The following UBXN2B variants were observed in gnomAD, a reference collection of about 807,000 sequenced individuals.
UBXN2B encodes the protein UBX domain-containing protein 2B.
In UBXN2B, 19 loss-of-function variants were observed where a neutral mutation model predicts 37.5. The observed-to-expected ratio is 0.51, with a 90% CI of 0.35 to 0.74. The LOEUF (loss-of-function observed/expected upper bound fraction) is 0.74. Ranked by LOEUF, UBXN2B falls within the 30% of genes least tolerant of loss-of-function variation. The pLI, the probability that UBXN2B is intolerant of heterozygous loss-of-function variation, is 0.01. For missense variants in UBXN2B, 370 were observed against 393.2 expected (o/e 0.94, Z 0.50); for synonymous variants, 145 against 143.8 (o/e 1.01, Z -0.06).
chr8:58,446,028 G>T lies in UBXN2B; in HGVS notation c.793G>T (p.Asp265Tyr), dbSNP rs1205757986. Residue 265 changes from aspartate (D) to tyrosine (Y), a missense_variant, in exon 7 of 8, where the codon GAT becomes TAT. Coordinates refer to ENST00000399598, the MANE Select transcript of UBXN2B (RefSeq NM_001077619.2). ...AACAAAAATTCAAATCAGGTTAGCAGATGGGAGTCGTTTGATACAAAGATT... is the reference window on the plus strand; with the variant it reads ...AACAAAAATTCAAATCAGGTTAGCATATGGGAGTCGTTTGATACAAAGATT... ...PTTKIQIRLA[D>Y]GSRLIQRFNS... 1.2e-6 allele frequency: 2 copies of T among 1,612,844 alleles called. No homozygotes were observed. Among genetic ancestry groups the T allele is most frequent in the South Asian group, 1.1e-5 (1 of 90,944 alleles).
chr8:58,411,824 A>G (rs1015949862), intron 1 of UBXN2B, among the ~76,000 whole-genome samples: 11 of 152,236 alleles, frequency 7.2e-5, no homozygotes, highest in African/African-American at 2.4e-4. Context: ...GCAGGGAAGT[A>G]GACAGTCACC....
intron 5 of UBXN2B, chr8:58,435,210 A>G: frequency 8.8e-7 from 1 of 1,139,894 alleles, no homozygotes. Context: ...TTTACTGTAT[A>G]TAACCAGAGT....
In UBXN2B at chr8:58,448,607, T is replaced by G. The variant is rs922964420; in HGVS notation, c.*1056T>G. On this transcript the variant is annotated 3_prime_UTR_variant, in exon 8 of 8. Transcript: ENST00000399598. ...CAACACATTTTTCTAGGAAACTCAC[T>G]GTATACACTAAACACTATTCTGTGT... 1.6e-4 allele frequency: 24 copies of G among 152,524 alleles called. No individual in the cohort carries two copies. Among genetic ancestry groups the G allele is most frequent in the African/African-American group, 5.5e-4 (23 of 41,442 alleles). The allele number at this position is 152,524 out of a possible 1,614,324, so 9.4% of individuals were successfully genotyped here.
chr8:58,424,318 A>C (rs1196581588), intron 2 of UBXN2B, among the ~76,000 whole-genome samples: 2 of 152,308 alleles, frequency 1.3e-5, no homozygotes, highest in Admixed American at 1.3e-4. Context: ...TCAATTTAAA[A>C]CAAAATTCTA....
rs1808658772 is a variant in UBXN2B at position 58,446,060 on chromosome 8, T to C, written c.825T>C (p.Ser275=). The change falls in exon 7 of 8, where the codon AGT becomes AGC. Residue 275 remains serine, a synonymous_variant. Transcript: ENST00000399598. ...GTCGTTTGATACAAAGATTCAATAG[T>C]ACACACAGGTAAGCTTCTTTACCAA... ...DGSRLIQRFN[S]THRILDVRNF... 6.2e-7 allele frequency: 1 copy of C among 1,608,876 alleles called. No individual in the cohort carries two copies. The highest frequency in any genetic ancestry group is 1.3e-5 in the African/African-American group (1 of 74,782).
At position 58,450,494 on chromosome 8, in the gene UBXN2B, G is replaced by C. The variant is rs1808778354; in HGVS notation, c.*2943G>C. On this transcript the variant is annotated 3_prime_UTR_variant, in exon 8 of 8. Transcript: ENST00000399598. ...CCAACAGTCTATTCATGATGATTTA[G>C]ATATTCTATGGCAATCGAGGTATTC... The C allele has an allele frequency of 6.6e-6, 1 of 152,170 alleles. No homozygotes were observed. Among genetic ancestry groups the C allele is most frequent in the Non-Finnish European group, 1.5e-5 (1 of 68,042 alleles). The allele number at this position is 152,170 out of a possible 1,614,324, so 9.4% of individuals were successfully genotyped here. A position where few individuals can be genotyped will look rare whatever the true frequency, so the allele number is the denominator to read the frequency against.
chr8:58,424,745 T>TA, intron 2 of UBXN2B: 1 of 1,416,254 alleles, frequency 7.1e-7, no homozygotes. Context: ...TTAATATTTG[T>TA]ATATTCATGA....
chr8:58,437,673 A>G (rs961486856), intron 5 of UBXN2B, among the ~76,000 whole-genome samples: 3 of 152,176 alleles, frequency 2.0e-5, no homozygotes, highest in Non-Finnish European at 4.4e-5. Flanking sequence ...CTTTGTGGCA[A>G]CTTCTAACAA....
At chr8:58,441,355 A>G (rs1267895708) in intron 6 of UBXN2B, among the ~76,000 whole-genome samples, 1 of 145,828 alleles carries the variant, frequency 6.9e-6, no homozygotes, top group Admixed American at 6.8e-5. Flanking sequence ...CAACATATAT[A>G]TATATATATA....
At position 58,425,301 on chromosome 8, in the gene UBXN2B, C is replaced by T. The variant is rs534456074; in HGVS notation, c.189-5218C>T. On this transcript the variant is annotated intron_variant, in intron 2 of 7. Coordinates refer to ENST00000399598, the MANE Select transcript of UBXN2B (RefSeq NM_001077619.2). ...TACTCTATCCTCTCTCCACTTCTTT[C>T]GTTGTCATGACAATCACTCAGGAGT... 6.0e-6 allele frequency: 7 copies of T among 1,158,764 alleles called. No homozygotes were observed. In the Admixed American group the frequency reaches 6.8e-5, roughly 11 times the overall value. The allele number at this position is 1,158,764 out of a possible 1,614,324, so 71.8% of individuals were successfully genotyped here. A position where few individuals can be genotyped will look rare whatever the true frequency, so the allele number is the denominator to read the frequency against.
chr8:58,417,308 A>T (rs1807810336), intron 2 of UBXN2B, among the ~76,000 whole-genome samples: 1 of 152,170 alleles, frequency 6.6e-6, no homozygotes, highest in African/African-American at 2.4e-5. Flanking sequence ...GATGAAAGCT[A>T]TAGAATTCTC....
In UBXN2B at chr8:58,438,244, G is replaced by A. The variant is rs571923725; in HGVS notation, c.534-1389G>A. Among the ~76,000 whole-genome samples the A allele has an allele frequency of 5.8e-4, 89 of 152,340 alleles. 1 individual carries two copies. Among genetic ancestry groups the A allele is most frequent in the African/African-American group, 1.9e-3 (78 of 41,588 alleles). On this transcript the variant is annotated intron_variant, in intron 5 of 7. Coordinates refer to ENST00000399598, the MANE Select transcript of UBXN2B (RefSeq NM_001077619.2). ...TGGGAGGCTGCACCTAGATTTTAGA[G>A]GGCCACGCCAAAGGGAAATGTGAGG... is the stretch of plus-strand genomic sequence containing the variant.
intron 6 of UBXN2B, among the ~76,000 whole-genome samples, chr8:58,443,328 A>C (rs1808594814): frequency 1.3e-5 from 2 of 152,114 alleles, no homozygotes; most frequent in African/African-American, 4.8e-5. Context: ...TACAACCTAC[A>C]TCCTTTCCTG....
chr8:58,433,501 G>A (rs763900877), intron 4 of UBXN2B, among the ~76,000 whole-genome samples: 5 of 151,712 alleles, frequency 3.3e-5, no homozygotes, highest in African/African-American at 4.9e-5. Flanking sequence ...GCAGCCAGGC[G>A]TGGTGACATG....
At chr8:58,436,776 C>T (rs1474147345) in intron 5 of UBXN2B, among the ~76,000 whole-genome samples, 1 of 152,192 alleles carries the variant, frequency 6.6e-6, no homozygotes, top group Non-Finnish European at 1.5e-5. Flanking sequence ...CACCAGGTCC[C>T]CCTTTGCCTT....
chr8:58,428,728 C>T (rs1214766655), intron 2 of UBXN2B, among the ~76,000 whole-genome samples: 1 of 152,178 alleles, frequency 6.6e-6, no homozygotes, highest in Admixed American at 6.5e-5. Flanking sequence ...AAGTTGAGGA[C>T]TTACACTGCT....
At chr8:58,446,112 C>G (rs1554553785) in intron 7 of UBXN2B, 44 bp downstream of exon 7, 2 of 1,533,012 alleles carry the variant, frequency 1.3e-6, no homozygotes, top group Non-Finnish European at 1.8e-6. Context: ...GTTATATACA[C>G]TGGATTGCTT....
rs182035809 is a variant in UBXN2B, at chr8:58,430,656, A to G, written c.326A>G (p.Asp109Gly). 1 of 1,565,942 alleles carries G rather than the reference A, an allele frequency of 6.4e-7. No homozygotes were observed. The highest frequency in any genetic ancestry group is 1.2e-5 in the South Asian group (1 of 81,582). ...AATGAAGCCACAAGAGCTTCAGGTG[A>G]TGATAAATCTAAGGTCAGTGCTCAA... Reference protein sequence around the residue: ...PLNEATRASGDDKSKSFTGGG... With the variant: ...PLNEATRASGGDKSKSFTGGG... The change falls in exon 3 of 8, where the codon GAT becomes GGT. Residue 109 changes from aspartate to glycine, a missense_variant. This residue lies in a region of UBXN2B where 197 missense variants were observed against 170.2 expected (regional missense o/e 1.16). Coordinates refer to ENST00000399598, the MANE Select transcript of UBXN2B (RefSeq NM_001077619.2).
intron 1 of UBXN2B, among the ~76,000 whole-genome samples, chr8:58,415,695 C>T (rs1178223801): frequency 6.6e-6 from 1 of 151,972 alleles, no homozygotes; most frequent in Admixed American, 6.6e-5. Context: ...AACTAAGGCT[C>T]AGAGAAATTA....
Sources: allele counts gnomAD v4.1 joint callset (sites outside exome capture counted in the v4.1 genomes callset), GRCh38; gene constraint gnomAD v4.1.1; regional missense constraint gnomAD v4.1.1; transcripts MANE v1.5; gene names NCBI Gene and HGNC (gene_info 2026-07-23, HGNC 2026-07-21).